The following CADPS2 variants were observed in gnomAD, a reference collection of about 807,000 sequenced individuals.
CADPS2 encodes calcium-dependent secretion activator 2.
In CADPS2, 93 loss-of-function variants were observed where a neutral mutation model predicts 172.5. That is an observed-to-expected ratio of 0.54 (90% CI 0.46 to 0.64). The LOEUF is 0.64. Ranked by LOEUF, CADPS2 falls within the 30% of genes least tolerant of loss-of-function variation. The pLI is 0.00. For missense variants in CADPS2, 1,420 were observed against 1,565.9 expected, an observed-to-expected ratio of 0.91 and a Z score of 1.57; for synonymous variants, 546 against 555.2, an observed-to-expected ratio of 0.98 and a Z score of 0.23.
At chr7:122,759,765 A>G (rs949238137) in intron 1 of CADPS2, among the ~76,000 whole-genome samples, 1 of 152,168 alleles carries the variant, frequency 6.6e-6, no homozygotes, top group Admixed American at 6.6e-5. Context: ...TTCTGAAGAA[A>G]GCAACTTATC....
At chr7:122,570,184 A>G (rs1308172058) in intron 7 of CADPS2, among the ~76,000 whole-genome samples, 3 of 151,650 alleles carry the variant, frequency 2.0e-5, no homozygotes, top group South Asian at 4.2e-4. Flanking sequence ...ACAAATTTAC[A>G]AGAAAAAAAC....
chr7:122,500,638 C>A (rs1481379692), intron 9 of CADPS2, among the ~76,000 whole-genome samples: 1 of 152,114 alleles, frequency 6.6e-6, no homozygotes, highest in East Asian at 1.9e-4. Flanking sequence ...TCAGGATACA[C>A]AGATAGCTAT....
At chr7:122,446,954 G>A (rs951295798) in intron 15 of CADPS2, among the ~76,000 whole-genome samples, 1 of 151,200 alleles carries the variant, frequency 6.6e-6, no homozygotes, top group Non-Finnish European at 1.5e-5. Flanking sequence ...CCCATTTTTG[G>A]GGCCTTTTTA....
intron 2 of CADPS2, among the ~76,000 whole-genome samples, chr7:122,731,638 A>G (rs2091649024): frequency 6.6e-6 from 1 of 151,124 alleles, no homozygotes; most frequent in Non-Finnish European, 1.5e-5. Context: ...CCTTTAGACA[A>G]TGAGGTGCTT....
At chr7:122,345,116 TTTTA>T (rs1240960687) in intron 28 of CADPS2, among the ~76,000 whole-genome samples, 3 of 151,716 alleles carry the variant, frequency 2.0e-5, no homozygotes, top group Non-Finnish European at 2.9e-5. Flanking sequence ...GGCTTCAACT[TTTTA>T]TTTTTTTATT....
intron 2 of CADPS2, among the ~76,000 whole-genome samples, chr7:122,671,282 C>G (rs2081819470): frequency 6.6e-6 from 1 of 152,136 alleles, no homozygotes; most frequent in Non-Finnish European, 1.5e-5. Context: ...ACAGCAAGCA[C>G]CCAGAAAATA....
At chr7:122,525,506 C>T (rs1489119617) in intron 8 of CADPS2, among the ~76,000 whole-genome samples, 2 of 152,098 alleles carry the variant, frequency 1.3e-5, no homozygotes, top group Non-Finnish European at 2.9e-5. Flanking sequence ...GCTGGAGGAA[C>T]TGAGCAGTAA....
intron 28 of CADPS2, among the ~76,000 whole-genome samples, chr7:122,328,797 T>C (rs1385994504): frequency 6.6e-6 from 1 of 152,174 alleles, no homozygotes; most frequent in Non-Finnish European, 1.5e-5. Context: ...TGTGCATGAC[T>C]GTAGACTGGT....
intron 1 of CADPS2, among the ~76,000 whole-genome samples, chr7:122,841,287 A>C (rs1810414147): frequency 6.6e-6 from 1 of 152,182 alleles, no homozygotes; most frequent in East Asian, 1.9e-4. Flanking sequence ...ACTTATTACA[A>C]AGTACCAATC....
intron 1 of CADPS2, among the ~76,000 whole-genome samples, chr7:122,846,526 T>C (rs1449741720): frequency 2.0e-5 from 3 of 152,196 alleles, no homozygotes; most frequent in African/African-American, 7.2e-5. Flanking sequence ...ACTATATATT[T>C]ATATTCAGAT....
intron 2 of CADPS2, among the ~76,000 whole-genome samples, chr7:122,677,156 G>C (rs1255523800): frequency 6.6e-6 from 1 of 152,138 alleles, no homozygotes; most frequent in Admixed American, 6.5e-5. Context: ...CTTACAGTGG[G>C]GCAAACAAAT....
chr7:122,369,224 C>T (rs755672183), intron 25 of CADPS2, among the ~76,000 whole-genome samples: 7 of 144,782 alleles, frequency 4.8e-5, no homozygotes, highest in East Asian at 4.1e-4. Context: ...CTCCGTCTCC[C>T]GGGTTCACGC....
chr7:122,501,630 A>G (rs1379216849), intron 9 of CADPS2, among the ~76,000 whole-genome samples: 1 of 152,024 alleles, frequency 6.6e-6, no homozygotes, highest in Admixed American at 6.6e-5. Context: ...CAGGCAGATC[A>G]CGAGATCAGG....
At chr7:122,793,707 G>A (rs1467806050) in intron 1 of CADPS2, among the ~76,000 whole-genome samples, 2 of 152,032 alleles carry the variant, frequency 1.3e-5, no homozygotes, top group Non-Finnish European at 2.9e-5. Context: ...TTGTTTATGT[G>A]GTTGCTTCAT....
chr7:122,532,271 C>T (rs537749962), intron 8 of CADPS2, among the ~76,000 whole-genome samples: 9 of 152,088 alleles, frequency 5.9e-5, no homozygotes, highest in East Asian at 1.9e-4. Flanking sequence ...TGCACAATCA[C>T]GGGCAAAAAA....
chr7:122,646,661 T>C (rs1431554158), intron 3 of CADPS2, among the ~76,000 whole-genome samples: 1 of 152,110 alleles, frequency 6.6e-6, no homozygotes, highest in Admixed American at 6.6e-5. Flanking sequence ...ACAGTTGAAA[T>C]GCAGATGGGG....
chr7:122,701,341 C>A (rs1175623881), intron 2 of CADPS2, among the ~76,000 whole-genome samples: 1 of 151,520 alleles, frequency 6.6e-6, no homozygotes, highest in Non-Finnish European at 1.5e-5. Context: ...ATCGCAAGGA[C>A]AAAAAACCAA....
chr7:122,833,361 T>G (rs1807211470), intron 1 of CADPS2, among the ~76,000 whole-genome samples: 1 of 152,154 alleles, frequency 6.6e-6, no homozygotes, highest in Non-Finnish European at 1.5e-5. Flanking sequence ...TTATTTTATT[T>G]TATTTTTGAG....
At chr7:122,764,626 G>GA (rs1440220117) in intron 1 of CADPS2, among the ~76,000 whole-genome samples, 1 of 152,030 alleles carries the variant, frequency 6.6e-6, no homozygotes, top group East Asian at 1.9e-4. Flanking sequence ...AGAGGGAGAG[G>GA]AAAGAGTGCT....
Sources: gnomAD v4.1 joint callset for allele counts (sites outside exome capture counted in the v4.1 genomes callset) on GRCh38, gnomAD v4.1.1 for gene constraint, MANE v1.5 for transcripts, NCBI Gene and HGNC (gene_info 2026-07-23, HGNC 2026-07-21) for gene names.